The following CLEC16A variants were observed in gnomAD, a reference collection of about 807,000 sequenced individuals.
CLEC16A encodes the protein protein CLEC16A.
Under a neutral mutation model 109.5 loss-of-function variants are expected in CLEC16A, and 51 were observed. The ratio of observed to expected loss-of-function variants is 0.47; its 90% CI spans 0.37 to 0.59. CLEC16A has a LOEUF of 0.59. Among genes scored for constraint, CLEC16A ranks in the 20% least tolerant of loss-of-function variants. CLEC16A has a pLI of 0.00. For missense variants in CLEC16A, 1,339 were observed against 1,394.0 expected, an observed-to-expected ratio of 0.96 and a Z score of 0.63; for synonymous variants, 673 against 564.2, an observed-to-expected ratio of 1.19 and a Z score of -2.73.
At chr16:11,173,405 G>A (rs976412425) in intron 23 of CLEC16A, among the ~76,000 whole-genome samples, 2 of 152,066 alleles carry the variant, frequency 1.3e-5, no homozygotes, top group Non-Finnish European at 2.9e-5. Context: ...GCAGTGAGAT[G>A]CTCCCGACGT....
At chr16:11,083,142 GTTGTTGTTGT>G (rs1264409512) in intron 19 of CLEC16A, among the ~76,000 whole-genome samples, 2 of 130,770 alleles carry the variant, frequency 1.5e-5, no homozygotes, top group African/African-American at 6.7e-5. Context: ...TTTTGTTGTT[GTTGTTGTTGT>G]TTGTTTGTTT....
At position 11,145,085 on chromosome 16, in the gene CLEC16A, G is replaced by A. The variant is rs529050882; in HGVS notation, c.2641+18939G>A. On this transcript the variant is annotated intron_variant, in intron 22 of 23. Transcript: ENST00000409790. The stretch of plus-strand genomic sequence containing the variant: ...CACCATGTGCACATGGGTCCTGCAG[G>A]CAGCCTGAGGATAGGGGTCAGCAGG... Among the ~76,000 whole-genome samples, 11 of 152,290 alleles carry A rather than the reference G, an allele frequency of 7.2e-5. No homozygotes were observed. In the South Asian group the frequency reaches 2.3e-3, roughly 32 times the overall value.
chr16:11,020,389 G>C, intron 12 of CLEC16A, 64 bp downstream of exon 12: 2 of 1,505,190 alleles, frequency 1.3e-6, no homozygotes, highest in Non-Finnish European at 1.8e-6. Context: ...TCAGTGGGGA[G>C]GTTGAGCCCT....
intron 22 of CLEC16A, among the ~76,000 whole-genome samples, chr16:11,146,930 T>G (rs1421698332): frequency 6.6e-6 from 1 of 152,074 alleles, no homozygotes; most frequent in African/African-American, 2.4e-5. Flanking sequence ...AGTCTAGAAC[T>G]TCCCACCATG....
intron 13 of CLEC16A, among the ~76,000 whole-genome samples, chr16:11,034,291 G>A (rs1177514693): frequency 2.6e-5 from 4 of 152,162 alleles, no homozygotes; most frequent in African/African-American, 9.7e-5. Context: ...TAATACTTGT[G>A]TGACTGCAGC....
intron 23 of CLEC16A, among the ~76,000 whole-genome samples, chr16:11,170,112 G>A (rs2068442527): frequency 6.6e-6 from 1 of 152,210 alleles, no homozygotes; most frequent in Non-Finnish European, 1.5e-5. Flanking sequence ...GACTGTCTCA[G>A]GCACCTCCAG....
chr16:10,986,851 G>GTGTTT (rs2043697725), intron 10 of CLEC16A, among the ~76,000 whole-genome samples: 4 of 150,150 alleles, frequency 2.7e-5, no homozygotes, highest in South Asian at 4.2e-4. Context: ...TTTTTTTGGT[G>GTGTTT]TGTTTTGTTT....
intron 10 of CLEC16A, among the ~76,000 whole-genome samples, chr16:11,001,436 A>G (rs1255777389): frequency 2.6e-5 from 4 of 152,292 alleles, no homozygotes; most frequent in East Asian, 1.9e-4. Context: ...TCCTGGTGAA[A>G]CACTGTTCTT....
At chr16:10,964,124 G>T (rs1466131644) in intron 3 of CLEC16A, among the ~76,000 whole-genome samples, 1 of 152,254 alleles carries the variant, frequency 6.6e-6, no homozygotes, top group East Asian at 1.9e-4. Flanking sequence ...GAAAGAGGTA[G>T]AGATGGTGGC....
intron 19 of CLEC16A, among the ~76,000 whole-genome samples, chr16:11,112,095 C>T (rs2051630247): frequency 1.3e-5 from 2 of 152,054 alleles, no homozygotes; most frequent in South Asian, 2.1e-4. Context: ...GTCTCAGTGC[C>T]GATGTGCCAT....
rs759604074 is a variant in CLEC16A at position 10,971,172 on chromosome 16, C to T, written c.540C>T (p.Asn180=). Residue 180 remains asparagine, a synonymous_variant, in exon 5 of 24, where the codon AAC becomes AAT. Coordinates refer to ENST00000409790, the MANE Select transcript of CLEC16A (RefSeq NM_015226.3). ...ACACAGAAGCCATCAAGTTTTTCAA[C>T]CACCCTGAAAGCATGGTTAGAATTG... ...ALYTEAIKFF[N]HPESMVRIAV... is the part of the protein sequence containing the mutation. The T allele has an allele frequency of 1.1e-5, 18 of 1,613,676 alleles. No individual in the cohort carries two copies. The highest frequency in any genetic ancestry group is 8.9e-5 in the East Asian group (4 of 44,898).
chr16:11,171,621 C>A (rs2068516019), intron 23 of CLEC16A, among the ~76,000 whole-genome samples: 1 of 152,178 alleles, frequency 6.6e-6, no homozygotes, highest in African/African-American at 2.4e-5. Context: ...TCCCCTTAAA[C>A]ATTTTATGGT....
At position 11,178,236 on chromosome 16, in the gene CLEC16A, A is replaced by C. The variant is rs2068836126; in HGVS notation, c.2807-99A>C. ...CACGCCAGCCAGCCACCTCCCACCTAGCTCACCAGGGCCGCGGTTCAGGAT... is the reference window on the plus strand; with the variant it reads ...CACGCCAGCCAGCCACCTCCCACCTCGCTCACCAGGGCCGCGGTTCAGGAT... On this transcript the variant is annotated intron_variant, in intron 23 of 23. Coordinates refer to ENST00000409790, the MANE Select transcript of CLEC16A (RefSeq NM_015226.3). This position sits in a 1 kb window ranked among gnomAD's most constrained non-coding sequence, Gnocchi z 6.5. 3 of 1,072,528 alleles carry C rather than the reference A, an allele frequency of 2.8e-6. No homozygotes were observed. Among genetic ancestry groups the C allele is most frequent in the Non-Finnish European group, 4.1e-6 (3 of 727,300 alleles). 66.4% of individuals were successfully genotyped at this position (1,072,528 alleles called of 1,614,324 possible).
At chr16:11,026,316 A>G (rs1029091152) in intron 13 of CLEC16A, among the ~76,000 whole-genome samples, 1 of 152,222 alleles carries the variant, frequency 6.6e-6, no homozygotes, top group Non-Finnish European at 1.5e-5. Flanking sequence ...GAAGGTTTTT[A>G]ACCACTCAAT....
chr16:11,030,667 C>T (rs1369442901), intron 13 of CLEC16A, among the ~76,000 whole-genome samples: 3 of 152,128 alleles, frequency 2.0e-5, no homozygotes, highest in African/African-American at 4.8e-5. Flanking sequence ...TCTTTTAAGA[C>T]GGAGTCTCAC....
chr16:11,021,786 G>T (rs545923343), intron 12 of CLEC16A, among the ~76,000 whole-genome samples: 21 of 152,314 alleles, frequency 1.4e-4, no homozygotes, highest in Non-Finnish European at 2.8e-4. Context: ...AACAGAATGA[G>T]ACTCTCGCTC....
chr16:11,178,352 G>A lies in CLEC16A; in HGVS notation c.2824G>A (p.Glu942Lys), dbSNP rs199531485. Residue 942 changes from glutamate (E) to lysine (K), a missense_variant, in exon 24 of 24, where the codon GAA (glutamate) becomes AAA (lysine). This residue lies in a region of CLEC16A where 1,061 missense variants were observed against 1,006.8 expected (regional missense o/e 1.05). Transcript: ENST00000409790. The surrounding 1 kb of genome is among the most constrained non-coding windows in gnomAD (Gnocchi z 6.5). ...QSPADAPMSP[E>K]LPKPHLPDQL... ...CAATCCAGATGCCCCCATGAGTCCA[G>A]AACTGCCTAAGCCTCACCTTCCTGA... The A allele has an allele frequency of 3.5e-4, 560 of 1,611,654 alleles. 5 individuals are homozygous for A. The South Asian group carries it at 5.7e-3, about 16-fold the overall frequency.
intron 22 of CLEC16A, chr16:11,126,396 A>G (rs1379444437): frequency 2.1e-6 from 3 of 1,432,882 alleles, no homozygotes; most frequent in Non-Finnish European, 2.7e-6. Flanking sequence ...AGAACTTCTC[A>G]GAATTGACTA....
At chr16:10,983,779 T>C (rs1311708875) in intron 10 of CLEC16A, among the ~76,000 whole-genome samples, 1 of 152,122 alleles carries the variant, frequency 6.6e-6, no homozygotes, top group East Asian at 1.9e-4. Flanking sequence ...ATGTCCAGCA[T>C]TTGTGCCTTT....
Sources: gnomAD v4.1 joint callset for allele counts (sites outside exome capture counted in the v4.1 genomes callset) on GRCh38, gnomAD v4.1.1 for gene constraint, gnomAD v4.1.1 regional missense constraint, Gnocchi (gnomAD v3.1) non-coding constraint, MANE v1.5 for transcripts, NCBI Gene and HGNC (gene_info 2026-07-23, HGNC 2026-07-21) for gene names.